Variants in SPATA6L observed in about 807,000 individuals in gnomAD.
The protein encoded by SPATA6L is spermatogenesis associated 6 like.
SPATA6L carries 68 observed loss-of-function variants against 49.2 expected under a neutral mutation model. That is an observed-to-expected ratio of 1.38 (90% confidence interval 1.14 to 1.69). The LOEUF is 1.69. SPATA6L is among the 40% of genes most tolerant of loss of function. The probability of loss-of-function intolerance (pLI) is 0.00; values close to 1 mark genes in which losing one functional copy is unlikely to be tolerated. For synonymous variants in SPATA6L, 198 were observed against 165.7 expected (o/e 1.19, Z -1.50); for missense variants, 668 against 464.3 (o/e 1.44, Z -4.03).
At chr9:4,621,342 C>G (rs7025148) in intron 7 of SPATA6L, among the ~76,000 whole-genome samples, 12,250 of 152,286 alleles carry the variant, frequency 0.08, 660 homozygotes, top group East Asian at 0.26. Flanking sequence ...TTCAGGAGAT[C>G]TGCAACGTCA....
intron 10 of SPATA6L, 112 bp from the exon 11 acceptor site, chr9:4,604,381 T>C: frequency 1.5e-6 from 1 of 649,980 alleles, no homozygotes. Flanking sequence ...TTTATGCCGT[T>C]ATATGGGGTT....
chr9:4,626,405 TC>T, intron 5 of SPATA6L: 1 of 1,302,682 alleles, frequency 7.7e-7, no homozygotes, highest in Non-Finnish European at 1.0e-6. Flanking sequence ...AGATCTGAGT[TC>T]CAGCTCATCC....
rs535760819 is a variant in SPATA6L, at chr9:4,604,831, C to A, written c.1089+516G>T. 9.7e-4 allele frequency among the ~76,000 whole-genome samples: 148 copies of A among 152,270 alleles called. 2 individuals carry two copies. Among genetic ancestry groups the A allele is most frequent in the African/African-American group, 3.5e-3 (144 of 41,548 alleles). On this transcript the variant is annotated intron_variant, in intron 10 of 11. Coordinates refer to ENST00000682582, the MANE Select transcript of SPATA6L (RefSeq NM_001353486.2). ...CTGCCACTTAGCTGTGTATCTGAATCAGTGACAAAGTACTGGGAATACCTA... is the reference window on the plus strand; with the variant it reads ...CTGCCACTTAGCTGTGTATCTGAATAAGTGACAAAGTACTGGGAATACCTA...
intron 3 of SPATA6L, among the ~76,000 whole-genome samples, chr9:4,647,174 G>C (rs914485986): frequency 6.6e-6 from 1 of 151,782 alleles, no homozygotes; most frequent in African/African-American, 2.4e-5. Flanking sequence ...CATACATAGA[G>C]CTCTAAAATA....
chr9:4,610,117 G>C (rs200698867), intron 9 of SPATA6L, among the ~76,000 whole-genome samples: 10 of 152,262 alleles, frequency 6.6e-5, no homozygotes, highest in South Asian at 6.2e-4. Context: ...TCAAGGAGAA[G>C]TATAAACCAC....
rs1468806405 is a variant in SPATA6L, at chr9:4,625,370, A to T, written c.626T>A (p.Phe209Tyr). 6.2e-7 allele frequency: 1 copy of T among 1,614,090 alleles called. No individual in the cohort carries two copies. Among genetic ancestry groups the T allele is most frequent in the Admixed American group, 1.7e-5 (1 of 60,002 alleles). The change falls in exon 6 of 12, where the codon TTC (phenylalanine) becomes TAC (tyrosine). Residue 209 changes from phenylalanine to tyrosine, a missense_variant. Physicochemically the swap from Phe to Tyr is conservative, Grantham distance 22. Coordinates refer to ENST00000682582, the MANE Select transcript of SPATA6L (RefSeq NM_001353486.2). Reference sequence around the variant, plus strand: ...AGGCTTGCTTCCTCCAGAGATTTTGAAATTATTTCCAAGGTTCAACTGAGC... The same window carrying T: ...AGGCTTGCTTCCTCCAGAGATTTTGTAATTATTTCCAAGGTTCAACTGAGC... ...QPAQLNLGNN[F>Y]KISGGSKPPF...
At chr9:4,639,135 A>G (rs16921689) in intron 3 of SPATA6L, among the ~76,000 whole-genome samples, 18,412 of 152,236 alleles carry the variant, frequency 0.12, 1,566 homozygotes, top group African/African-American at 0.23. Context: ...TGCACAGCAT[A>G]GCACCTGACA....
chr9:4,618,080 A>G lies in SPATA6L; in HGVS notation c.838T>C (p.Leu280=). The part of the protein sequence containing the change: ...VIKEPDERIV[L]RSDSSSCLDS... Reference sequence around the variant, plus strand: ...AAACATGATGATGAGTCACTCCTTAAAACAATCCGTTCATCTGGCTCTTTG... The same window carrying G: ...AAACATGATGATGAGTCACTCCTTAGAACAATCCGTTCATCTGGCTCTTTG... The change falls in exon 9 of 12, where the codon TTA becomes CTA. Residue 280 remains leucine, a synonymous_variant. Transcript: ENST00000682582. 6.2e-7 allele frequency: 1 copy of G among 1,612,700 alleles called. No individual in the cohort carries two copies. The highest frequency in any genetic ancestry group is 8.5e-7 in the Non-Finnish European group (1 of 1,179,246).
intron 7 of SPATA6L, among the ~76,000 whole-genome samples, chr9:4,620,831 G>T (rs1383905693): frequency 6.6e-6 from 1 of 152,184 alleles, no homozygotes; most frequent in African/African-American, 2.4e-5. Context: ...TCCTCCCCAG[G>T]AAAGGACATT....
chr9:4,597,520 T>G (rs985579631), downstream of SPATA6L, among the ~76,000 whole-genome samples: 1 of 152,186 alleles, frequency 6.6e-6, no homozygotes, highest in African/African-American at 2.4e-5. Flanking sequence ...CTGCACCATG[T>G]AAAAGCTCCT....
chr9:4,661,757 C>CGGTTTTGCTTCAAGGCCGACTGT, intron 2 of SPATA6L, 142 bp downstream of exon 2: 4 of 1,096,914 alleles, frequency 3.6e-6, no homozygotes, highest in Non-Finnish European at 2.5e-6. Flanking sequence ...GTTCCGACTG[C>CGGTTTTGCTTCAAGGCCGACTGT]GGTTTTGCAT....
chr9:4,623,864 G>A (rs1006145399), intron 6 of SPATA6L, among the ~76,000 whole-genome samples: 1 of 152,100 alleles, frequency 6.6e-6, no homozygotes, highest in Non-Finnish European at 1.5e-5. Context: ...AAGTCAATTC[G>A]ATATTTTTAT....
intron 13 of SPATA6L, among the ~76,000 whole-genome samples, chr9:4,592,504 A>G (rs573185023): frequency 6.6e-6 from 1 of 152,200 alleles, no homozygotes; most frequent in African/African-American, 2.4e-5. Context: ...AGCACAAAAC[A>G]TTAAGCAACT....
chr9:4,597,200 C>T (rs1822333727), downstream of SPATA6L, among the ~76,000 whole-genome samples: 3 of 152,012 alleles, frequency 2.0e-5, no homozygotes, highest in Admixed American at 2.0e-4. Flanking sequence ...TACCTGTAAG[C>T]CTAGCATTTT....
intron 3 of SPATA6L, among the ~76,000 whole-genome samples, chr9:4,654,253 G>C (rs1338871855): frequency 1.3e-5 from 2 of 152,176 alleles, no homozygotes; most frequent in Non-Finnish European, 2.9e-5. Flanking sequence ...TTCTTTAAAA[G>C]GTTAAACATA....
chr9:4,653,844 GGAA>G (rs959169436), intron 3 of SPATA6L, among the ~76,000 whole-genome samples: 1 of 152,188 alleles, frequency 6.6e-6, no homozygotes, highest in African/African-American at 2.4e-5. Flanking sequence ...GGCTGAGGTG[GGAA>G]GATCACTTGA....
chr9:4,629,494 C>T (rs1470878017), intron 4 of SPATA6L, among the ~76,000 whole-genome samples: 1 of 151,814 alleles, frequency 6.6e-6, no homozygotes, highest in Non-Finnish European at 1.5e-5. Flanking sequence ...TAATTGAACC[C>T]AGGCATTCCG....
At chr9:4,605,931 T>G (rs1018365434) in intron 9 of SPATA6L, among the ~76,000 whole-genome samples, 5 of 152,216 alleles carry the variant, frequency 3.3e-5, no homozygotes, top group Non-Finnish European at 5.9e-5. Flanking sequence ...TGCCAGACAG[T>G]GGGCGCAGGC....
intron 2 of SPATA6L, among the ~76,000 whole-genome samples, chr9:4,658,560 G>A (rs758248060): frequency 1.3e-5 from 2 of 152,158 alleles, no homozygotes; most frequent in Non-Finnish European, 2.9e-5. Context: ...CAAATGTACA[G>A]CTTTTCAACA....
Sources: allele counts gnomAD v4.1 joint callset (sites outside exome capture counted in the v4.1 genomes callset), GRCh38; gene constraint gnomAD v4.1.1; transcripts MANE v1.5; gene names NCBI Gene and HGNC (gene_info 2026-07-23, HGNC 2026-07-21).